CENPN: variants seen among roughly 807,000 people sequenced by gnomAD.
CENPN encodes centromere protein N.
CENPN carries 36 observed loss-of-function variants against 48.6 expected under a neutral mutation model. The ratio of observed to expected loss-of-function variants is 0.74; its 90% CI spans 0.57 to 0.98. CENPN has a LOEUF of 0.98. Ranked by LOEUF, CENPN falls within the 50% of genes least tolerant of loss-of-function variation. The pLI, the probability that CENPN is intolerant of heterozygous loss-of-function variation, is 0.00. For synonymous variants in CENPN, 166 were observed against 135.2 expected, an observed-to-expected ratio of 1.23 and a Z score of -1.58; for missense variants, 439 against 399.2, an observed-to-expected ratio of 1.10 and a Z score of -0.85.
At chr16:81,028,430 T>A in intron 10 of CENPN, 133 bp downstream of exon 10, 5 of 1,469,040 alleles carry the variant, frequency 3.4e-6, no homozygotes, top group Non-Finnish European at 4.6e-6. Flanking sequence ...CTCTTGCATC[T>A]TCTGCTTCTG....
At chr16:81,015,665 A>T (rs1227794726) in intron 3 of CENPN, among the ~76,000 whole-genome samples, 1 of 152,216 alleles carries the variant, frequency 6.6e-6, no homozygotes, top group East Asian at 1.9e-4. Context: ...CAAGCATAAA[A>T]GGTGGATCCA....
intron 8 of CENPN, 60 bp from the exon 9 acceptor site, chr16:81,026,466 A>G: frequency 1.3e-6 from 1 of 756,442 alleles, no homozygotes; most frequent in Non-Finnish European, 2.2e-6. Context: ...TGAAAGGAGG[A>G]TAATTTAAGG....
At chr16:81,017,174 CA>C (rs1214762238) in intron 3 of CENPN, 151 bp from the exon 4 acceptor site, 10 of 555,514 alleles carry the variant, frequency 1.8e-5, no homozygotes, top group Middle Eastern at 4.8e-4. Context: ...TACTTTAATC[CA>C]TATAAAGTTT....
chr16:81,028,438 C>T, intron 10 of CENPN, 131 bp from the exon 11 acceptor site: 1 of 1,479,592 alleles, frequency 6.8e-7, no homozygotes, highest in South Asian at 1.3e-5. Flanking sequence ...TCTTCTGCTT[C>T]TGTACTTAAT....
chr16:81,014,272 T>G, intron 3 of CENPN, 91 bp downstream of exon 3: 1 of 1,094,326 alleles, frequency 9.1e-7, no homozygotes, highest in Non-Finnish European at 1.4e-6. Flanking sequence ...TCTCCCTCTG[T>G]CGCCCAGGCT....
chr16:81,017,463 T>C (rs1263234781), intron 4 of CENPN, 78 bp downstream of exon 4: 4 of 971,262 alleles, frequency 4.1e-6, no homozygotes, highest in Non-Finnish European at 6.6e-6. Context: ...CGAGCTGAGA[T>C]TGCACCACTG....
intron 3 of CENPN, among the ~76,000 whole-genome samples, chr16:81,016,137 C>T (rs1044740391): frequency 2.6e-5 from 4 of 152,298 alleles, no homozygotes; most frequent in East Asian, 1.9e-4. Context: ...AGGTCCATTT[C>T]TACTCCAAGA....
Position 81,029,095 on chromosome 16 carries a change from C to G in CENPN, c.*444C>G. The G allele has an allele frequency of 5.1e-6, 5 of 985,886 alleles. No individual in the cohort carries two copies. The highest frequency in any genetic ancestry group is 6.0e-6 in the Non-Finnish European group (5 of 830,320). The allele number at this position is 985,886 out of a possible 1,614,324, so 61.1% of individuals were successfully genotyped here. On this transcript the variant is annotated 3_prime_UTR_variant, in exon 11 of 11. Transcript: ENST00000305850. ...AGAAGCAACAAGGAACTATACTCAACTCAAAACTTTTTAGGAGAATCATGA... is the reference window on the plus strand; with the variant it reads ...AGAAGCAACAAGGAACTATACTCAAGTCAAAACTTTTTAGGAGAATCATGA...
rs774152496 is a variant in CENPN at position 81,012,074 on chromosome 16, G to A, written c.135G>A (p.Lys45=). The A allele has an allele frequency of 1.9e-6, 3 of 1,614,132 alleles. No individual in the cohort carries two copies. The highest frequency in any genetic ancestry group is 2.2e-5 in the East Asian group (1 of 44,866). ...QLQTVNFRQR[K]ESVVQHLIHL... is the part of the protein sequence containing the mutation. Reference sequence around the variant, plus strand: ...AGACTGTAAATTTCCGACAGAGAAAGGAATCTGTAGTTCAGCACTTGATCC... The same window carrying A: ...AGACTGTAAATTTCCGACAGAGAAAAGAATCTGTAGTTCAGCACTTGATCC... The change falls in exon 2 of 11, where the codon AAG becomes AAA. Residue 45 remains lysine (K), a synonymous_variant. Transcript: ENST00000305850.
At chr16:81,019,076 T>G (rs1970057761) in intron 5 of CENPN, among the ~76,000 whole-genome samples, 1 of 152,236 alleles carries the variant, frequency 6.6e-6, no homozygotes, top group Non-Finnish European at 1.5e-5. Flanking sequence ...CCATGTAACA[T>G]TCTTTTAGAG....
intron 5 of CENPN, among the ~76,000 whole-genome samples, chr16:81,019,356 A>G (rs1970073240): frequency 6.7e-6 from 1 of 149,858 alleles, no homozygotes; most frequent in Non-Finnish European, 1.5e-5. Context: ...AGCTGGGACT[A>G]TAGGCACATG....
At position 81,031,181 on chromosome 16, in the gene CENPN, A is replaced by C. The variant is rs997341193; in HGVS notation, c.*2530A>C. Reference sequence around the variant, plus strand: ...GAAAAAAAATTAAAAGCTCCAAAAAAAAAACAATACAGGAGCTTACCTTGA... The same window carrying C: ...GAAAAAAAATTAAAAGCTCCAAAAACAAAACAATACAGGAGCTTACCTTGA... On this transcript the variant is annotated 3_prime_UTR_variant, in exon 11 of 11. Coordinates refer to ENST00000305850, the MANE Select transcript of CENPN (RefSeq NM_001100624.3). 2.0e-5 allele frequency: 3 copies of C among 152,108 alleles called. No homozygotes were observed. The highest frequency in any genetic ancestry group is 2.9e-5 in the Non-Finnish European group (2 of 68,004). 9.4% of individuals were successfully genotyped at this position (152,108 alleles called of 1,614,324 possible). A position where few individuals can be genotyped will look rare whatever the true frequency, so the allele number is the denominator to read the frequency against.
In CENPN at chr16:81,030,702, T is replaced by A. The variant is rs1296452230; in HGVS notation, c.*2051T>A. 2 of 148,634 alleles carry A rather than the reference T, an allele frequency of 1.3e-5. No individual in the cohort carries two copies. The highest frequency in any genetic ancestry group is 5.0e-5 in the African/African-American group (2 of 39,868). The allele number at this position is 148,634 out of a possible 1,614,324, so 9.2% of individuals were successfully genotyped here. ...AGGCAGAGGTTGCAGTGAGCCAAGATCATGCCACTGCACTCTAGCCTGGGT... is the reference window on the plus strand; with the variant it reads ...AGGCAGAGGTTGCAGTGAGCCAAGAACATGCCACTGCACTCTAGCCTGGGT... On this transcript the variant is annotated 3_prime_UTR_variant, in exon 11 of 11. Transcript: ENST00000305850.
intron 9 of CENPN, 49 bp from the exon 10 acceptor site, chr16:81,028,122 C>A: frequency 1.5e-6 from 2 of 1,318,820 alleles, no homozygotes; most frequent in Non-Finnish European, 2.2e-6. Flanking sequence ...TTTTACCATT[C>A]GTATTTATAC....
chr16:81,013,625 G>GC (rs1447042693), intron 2 of CENPN, among the ~76,000 whole-genome samples: 2 of 152,188 alleles, frequency 1.3e-5, no homozygotes, highest in African/African-American at 4.8e-5. Flanking sequence ...GGAGGCTGAG[G>GC]CAGGAGTATC....
chr16:81,029,255 G>T lies in CENPN; in HGVS notation c.*604G>T. On this transcript the variant is annotated 3_prime_UTR_variant, in exon 11 of 11. Transcript: ENST00000305850. ...CTTCTCATAATCTATTTTATCATGT[G>T]TATAACATTCAAACTGACAAATATA... is the stretch of plus-strand genomic sequence containing the variant. 1.2e-5 allele frequency: 11 copies of T among 912,694 alleles called. No individual in the cohort carries two copies. The highest frequency in any genetic ancestry group is 1.3e-5 in the Non-Finnish European group (10 of 763,844). The allele number at this position is 912,694 out of a possible 1,614,324, so 56.5% of individuals were successfully genotyped here.
intron 4 of CENPN, 58 bp from the exon 5 acceptor site, chr16:81,017,700 T>C: frequency 1.7e-6 from 2 of 1,188,402 alleles, no homozygotes; most frequent in East Asian, 2.3e-5. Flanking sequence ...TACGAATGTA[T>C]TTACTGAAGA....
intron 5 of CENPN, 138 bp from the exon 6 acceptor site, chr16:81,019,962 G>T: frequency 1.9e-6 from 1 of 530,268 alleles, no homozygotes; most frequent in Non-Finnish European, 3.1e-6. Context: ...CTCATGAAAA[G>T]CAGAAAAGAC....
chr16:81,009,636 T>C (rs184676048), intron 1 of CENPN, among the ~76,000 whole-genome samples: 33 of 152,384 alleles, frequency 2.2e-4, no homozygotes, highest in Admixed American at 1.7e-3. Flanking sequence ...TTTGTCTTAC[T>C]ATCATTTTCA....
Sources: gnomAD v4.1 joint callset for allele counts (sites outside exome capture counted in the v4.1 genomes callset) on GRCh38, gnomAD v4.1.1 for gene constraint, MANE v1.5 for transcripts, NCBI Gene and HGNC (gene_info 2026-07-23, HGNC 2026-07-21) for gene names.